The following DHODH variants were observed in gnomAD, a reference collection of about 807,000 sequenced individuals.
The protein encoded by DHODH is dihydroorotate dehydrogenase (quinone), also known as dihydroorotate dehydrogenase (quinone), mitochondrial.
In DHODH, 30 loss-of-function variants were observed where a neutral mutation model predicts 39.7. The observed-to-expected ratio is 0.76, with a 90% CI of 0.57 to 1.02. The LOEUF is 1.02. DHODH is among the 50% of genes least tolerant of loss of function. The probability of loss-of-function intolerance (pLI) is 0.00; values close to 1 mark genes in which losing one functional copy is unlikely to be tolerated. For missense variants in DHODH, 531 were observed against 520.8 expected (o/e 1.02, Z -0.19); for synonymous variants, 222 against 213.8 (o/e 1.04, Z -0.34).
rs2041272911 is a variant in DHODH at position 72,025,987 on chromosome 16, G to C, written c.*1788G>C. On this transcript the variant is annotated 3_prime_UTR_variant, in exon 9 of 9. Coordinates refer to ENST00000219240, the MANE Select transcript of DHODH (RefSeq NM_001361.5). ...AGAGCATGTTGTGCTGAATGGCTCT[G>C]CCATGGACCAAGCCTTGGCTGCTCT... 1 of 152,272 alleles carries C rather than the reference G, an allele frequency of 6.6e-6. No individual in the cohort carries two copies. Among genetic ancestry groups the C allele is most frequent in the Non-Finnish European group, 1.5e-5 (1 of 68,084 alleles). 9.4% of individuals were successfully genotyped at this position (152,272 alleles called of 1,614,324 possible). A position where few individuals can be genotyped will look rare whatever the true frequency, so the allele number is the denominator to read the frequency against.
chr16:72,021,162 A>T lies in DHODH; in HGVS notation c.556A>T (p.Thr186Ser), dbSNP rs1277434414. The change falls in exon 5 of 9, where the codon ACC becomes TCC. Residue 186 changes from threonine to serine, a missense_variant. Thr to Ser is a moderately conservative substitution (Grantham distance 58). Coordinates refer to ENST00000219240, the MANE Select transcript of DHODH (RefSeq NM_001361.5). Reference sequence around the variant, plus strand: ...GGGGGTCAACTTGGGGAAGAACAAGACCTCAGTGGACGCCGCGGAGGACTA... The same window carrying T: ...GGGGGTCAACTTGGGGAAGAACAAGTCCTCAGTGGACGCCGCGGAGGACTA... ...PLGVNLGKNK[T>S]SVDAAEDYAE... 1.9e-6 allele frequency: 3 copies of T among 1,609,316 alleles called. No individual in the cohort carries two copies. The highest frequency in any genetic ancestry group is 1.1e-5 in the South Asian group (1 of 90,098).
At position 72,021,317 on chromosome 16, in the gene DHODH, C is replaced by A; in HGVS notation, c.705+6C>A. 6.3e-7 allele frequency: 1 copy of A among 1,597,900 alleles called. No homozygotes were observed. The highest frequency in any genetic ancestry group is 8.5e-7 in the Non-Finnish European group (1 of 1,175,196). ...TGCGCCGCCTGCTGACCAAGGTGGG[C>A]AGCTGCACCCCTCTCCAGGCCCTGT... On this transcript the variant is annotated splice_donor_region_variant and intron_variant, in intron 5 of 8. Transcript: ENST00000219240.
At chr16:72,010,252 C>T (rs1426106559) in intron 1 of DHODH, among the ~76,000 whole-genome samples, 1 of 152,214 alleles carries the variant, frequency 6.6e-6, no homozygotes, top group East Asian at 1.9e-4. Context: ...TCTTCTGCTA[C>T]TGAGAGAGCC....
At chr16:72,022,057 A>G (rs959115084) in intron 5 of DHODH, among the ~76,000 whole-genome samples, 1 of 149,260 alleles carries the variant, frequency 6.7e-6, no homozygotes, top group African/African-American at 2.5e-5. Flanking sequence ...TCATGCTACT[A>G]CACTCCAGTG....
chr16:72,008,926 T>G lies in DHODH; in HGVS notation c.21+141T>G, dbSNP rs3213423. The G allele has an allele frequency of 0.78, 1,185,737 of 1,529,302 alleles. 462,451 individuals are homozygous for G. Among genetic ancestry groups the G allele is most frequent in the East Asian group, 0.96 (38,909 of 40,568 alleles). The allele number at this position is 1,529,302 out of a possible 1,614,324, so 94.7% of individuals were successfully genotyped here. On this transcript the variant is annotated intron_variant, in intron 1 of 8. Transcript: ENST00000219240. ...CTGGGACGTGTGCGTGTTTCCGGGGTCTCCTGCAAATGCTCGTGCGTGTGC... is the reference window on the plus strand; with the variant it reads ...CTGGGACGTGTGCGTGTTTCCGGGGGCTCCTGCAAATGCTCGTGCGTGTGC...
intron 1 of DHODH, among the ~76,000 whole-genome samples, chr16:72,010,994 G>A (rs1002862856): frequency 1.3e-5 from 2 of 151,926 alleles, no homozygotes; most frequent in African/African-American, 2.4e-5. Flanking sequence ...CCAAAGTGCC[G>A]GGATTACAAG....
At chr16:72,014,913 C>T (rs1000584082) in intron 3 of DHODH, among the ~76,000 whole-genome samples, 10 of 152,160 alleles carry the variant, frequency 6.6e-5, no homozygotes, top group African/African-American at 9.7e-5. Flanking sequence ...TAAATAACTC[C>T]GCTTCGGTCA....
rs574730496 is a variant in DHODH, at chr16:72,012,643, G to A, written c.234+381G>A. Among the ~76,000 whole-genome samples the A allele has an allele frequency of 7.9e-5, 12 of 152,330 alleles. No homozygotes were observed. The East Asian group carries it at 1.4e-3, about 17-fold the overall frequency. On this transcript the variant is annotated intron_variant, in intron 2 of 8. Transcript: ENST00000219240. ...TCTGACGCTGGCTTCCCGCCCCTTG[G>A]CCACTGTCCTGCCTTGCTGAGGTCG...
chr16:72,024,242 G>C lies in DHODH; in HGVS notation c.*43G>C. 6.2e-7 allele frequency: 1 copy of C among 1,607,676 alleles called. No homozygotes were observed. Among genetic ancestry groups the C allele is most frequent in the Non-Finnish European group, 8.5e-7 (1 of 1,174,560 alleles). Reference sequence around the variant, plus strand: ...AAGCCTGATCTGGAACCTTCCCAAGGACTCAGGCAAGCCTTTGTGGCTGGA... The same window carrying C: ...AAGCCTGATCTGGAACCTTCCCAAGCACTCAGGCAAGCCTTTGTGGCTGGA... On this transcript the variant is annotated 3_prime_UTR_variant, in exon 9 of 9. Coordinates refer to ENST00000219240, the MANE Select transcript of DHODH (RefSeq NM_001361.5).
chr16:72,010,130 G>C (rs1014307137), intron 1 of DHODH, among the ~76,000 whole-genome samples: 5 of 152,274 alleles, frequency 3.3e-5, no homozygotes, highest in Middle Eastern at 6.8e-3. Context: ...CTGGCTTAGG[G>C]AACAAAACCC....
intron 4 of DHODH, chr16:72,020,325 A>ATGTG (rs1395807178): frequency 4.0e-5 from 4 of 99,972 alleles, no homozygotes; most frequent in African/African-American, 1.7e-4. Flanking sequence ...GTATATGTAT[A>ATGTG]TGTGTATATA....
intron 1 of DHODH, chr16:72,009,243 C>T (rs2041055180): frequency 2.0e-5 from 12 of 589,540 alleles, no homozygotes; most frequent in Non-Finnish European, 2.6e-5. Flanking sequence ...GTGGCTCACG[C>T]CTGTAATCCC....
intron 5 of DHODH, 140 bp from the exon 6 acceptor site, chr16:72,022,222 G>T: frequency 1.5e-6 from 1 of 686,872 alleles, no homozygotes; most frequent in Non-Finnish European, 2.6e-6. Flanking sequence ...ACGTCTGAGG[G>T]CTGGCTTTCC....
At chr16:72,009,934 G>T (rs1423096417) in intron 1 of DHODH, among the ~76,000 whole-genome samples, 1 of 152,150 alleles carries the variant, frequency 6.6e-6, no homozygotes, top group Non-Finnish European at 1.5e-5. Context: ...AATGGAGAGA[G>T]ATGGGATCTC....
intron 7 of DHODH, 34 bp downstream of exon 7, chr16:72,023,352 C>T (rs200471091): frequency 1.9e-5 from 31 of 1,613,950 alleles, no homozygotes; most frequent in Admixed American, 1.0e-4. Flanking sequence ...TTCAGATCTG[C>T]GTGTGGCTTG....
chr16:72,018,109 G>A (rs960232961), intron 4 of DHODH, among the ~76,000 whole-genome samples: 1 of 34,168 alleles, frequency 2.9e-5, no homozygotes, highest in African/African-American at 1.3e-4. Context: ...CCGGCGATGC[G>A]GGTGTTCTCT....
rs2041279358 is a variant in DHODH at position 72,026,780 on chromosome 16, T to C, written c.*2581T>C. ...AGGGGCCATGTGGTGTGCGGATACC[T>C]ATTTTTCTTTCTTTTCTTTTTTTTT... On this transcript the variant is annotated 3_prime_UTR_variant, in exon 9 of 9. Coordinates refer to ENST00000219240, the MANE Select transcript of DHODH (RefSeq NM_001361.5). 6.6e-6 allele frequency: 1 copy of C among 151,848 alleles called. No homozygotes were observed. Among genetic ancestry groups the C allele is most frequent in the African/African-American group, 2.4e-5 (1 of 41,216 alleles). The allele number at this position is 151,848 out of a possible 1,614,324, so 9.4% of individuals were successfully genotyped here.
Position 72,021,176 on chromosome 16 carries a change from C to T in DHODH, c.570C>T (p.Ala190=), listed in dbSNP as rs149123373. Residue 190 remains alanine (A), a synonymous_variant, in exon 5 of 9, where the codon GCC becomes GCT. Coordinates refer to ENST00000219240, the MANE Select transcript of DHODH (RefSeq NM_001361.5). The part of the protein sequence containing the change: ...NLGKNKTSVD[A]AEDYAEGVRV... Reference sequence around the variant, plus strand: ...GGAAGAACAAGACCTCAGTGGACGCCGCGGAGGACTACGCAGAAGGGGTGC... The same window carrying T: ...GGAAGAACAAGACCTCAGTGGACGCTGCGGAGGACTACGCAGAAGGGGTGC... 3.3e-4 allele frequency: 527 copies of T among 1,609,536 alleles called. No individual in the cohort carries two copies. The highest frequency in any genetic ancestry group is 4.0e-4 in the Non-Finnish European group (472 of 1,177,968).
rs2041275911 is a variant in DHODH at position 72,026,288 on chromosome 16, T to G, written c.*2089T>G. 1 of 152,240 alleles carries G rather than the reference T, an allele frequency of 6.6e-6. No individual in the cohort carries two copies. Among genetic ancestry groups the G allele is most frequent in the African/African-American group, 2.4e-5 (1 of 41,416 alleles). 9.4% of individuals were successfully genotyped at this position (152,240 alleles called of 1,614,324 possible). ...GGCATCTACCTTGCTCTGTCCCACC[T>G]AATAGCTTCAGGACTGAACAATTCA... On this transcript the variant is annotated 3_prime_UTR_variant, in exon 9 of 9. Coordinates refer to ENST00000219240, the MANE Select transcript of DHODH (RefSeq NM_001361.5).
Sources: allele counts gnomAD v4.1 joint callset (sites outside exome capture counted in the v4.1 genomes callset), GRCh38; gene constraint gnomAD v4.1.1; transcripts MANE v1.5; gene names NCBI Gene and HGNC (gene_info 2026-07-23, HGNC 2026-07-21).